The following PDZD2 variants were observed in gnomAD, a reference collection of about 807,000 sequenced individuals.
PDZD2 encodes the protein PDZ domain containing 2, also known as PDZ domain-containing protein 2.
Under a neutral mutation model 220.7 loss-of-function variants are expected in PDZD2, and 90 were observed. The ratio of observed to expected loss-of-function variants is 0.41; its 90% CI spans 0.34 to 0.49. The LOEUF (loss-of-function observed/expected upper bound fraction) is 0.49. PDZD2 is among the 20% of genes least tolerant of loss of function. The probability of loss-of-function intolerance (pLI) is 0.28; values close to 1 mark genes in which losing one functional copy is unlikely to be tolerated. For missense variants in PDZD2, 3,174 were observed against 3,608.5 expected (o/e 0.88, Z 3.08); for synonymous variants, 1,375 against 1,450.5 (o/e 0.95, Z 1.18).
intron 2 of PDZD2, among the ~76,000 whole-genome samples, chr5:31,839,808 T>C (rs1757158808): frequency 6.6e-6 from 1 of 152,218 alleles, no homozygotes; most frequent in Non-Finnish European, 1.5e-5. Context: ...ATGCTGCTGT[T>C]CTCATGACAG....
At chr5:31,996,061 C>G (rs1393192757) in intron 4 of PDZD2, among the ~76,000 whole-genome samples, 2 of 152,138 alleles carry the variant, frequency 1.3e-5, no homozygotes, top group Non-Finnish European at 1.5e-5. Flanking sequence ...GAGTAGAACA[C>G]CGCATTCCTA....
At chr5:31,771,108 G>C (rs2150197760) in intron 1 of PDZD2, among the ~76,000 whole-genome samples, 1 of 152,322 alleles carries the variant, frequency 6.6e-6, no homozygotes, top group Middle Eastern at 3.4e-3. Flanking sequence ...TGAGCTTTGA[G>C]TCTAATGTAT....
chr5:32,032,224 C>A (rs1233275623), intron 6 of PDZD2, among the ~76,000 whole-genome samples: 1 of 152,182 alleles, frequency 6.6e-6, no homozygotes, highest in Non-Finnish European at 1.5e-5. Context: ...TCTGTTGGCC[C>A]AGGGCAGTGG....
At chr5:31,998,112 A>G (rs1751788838) in intron 4 of PDZD2, among the ~76,000 whole-genome samples, 1 of 152,076 alleles carries the variant, frequency 6.6e-6, no homozygotes, top group South Asian at 2.1e-4. Flanking sequence ...AGGGATGGAG[A>G]TGGTCTTGAT....
intron 1 of PDZD2, among the ~76,000 whole-genome samples, chr5:31,723,619 A>G (rs902670203): frequency 6.6e-6 from 1 of 151,662 alleles, no homozygotes. Flanking sequence ...TATTATTATT[A>G]TTTTTATTAT....
chr5:32,038,182 T>TTA (rs765544553), intron 7 of PDZD2, among the ~76,000 whole-genome samples: 30 of 109,052 alleles, frequency 2.8e-4, no homozygotes, highest in African/African-American at 1.1e-3. Context: ...TTTCCTCCAT[T>TTA]AAAAAAAAAA....
At position 32,098,341 on chromosome 5, in the gene PDZD2, C is replaced by G. The variant is rs373351733; in HGVS notation, c.7948-23C>G. ...ATCGTAAGTGGATCTGGTTTTTGTTCCCTTTTCCTTTCCTCATCCCAGGTC... is the reference window on the plus strand; with the variant it reads ...ATCGTAAGTGGATCTGGTTTTTGTTGCCTTTTCCTTTCCTCATCCCAGGTC... On this transcript the variant is annotated intron_variant, in intron 22 of 24. Transcript: ENST00000438447. This position sits in a 1 kb window ranked among gnomAD's most constrained non-coding sequence, Gnocchi z 4.1. 3 of 1,607,574 alleles carry G rather than the reference C, an allele frequency of 1.9e-6. No individual in the cohort carries two copies. The highest frequency in any genetic ancestry group is 2.5e-6 in the Non-Finnish European group (3 of 1,176,714).
intron 2 of PDZD2, among the ~76,000 whole-genome samples, chr5:31,966,875 A>G (rs961724027): frequency 1.3e-5 from 2 of 152,162 alleles, no homozygotes; most frequent in African/African-American, 2.4e-5. Flanking sequence ...CCTGCCTGCC[A>G]CAGAGCCTCT....
intron 1 of PDZD2, among the ~76,000 whole-genome samples, chr5:31,725,236 G>A (rs541204330): frequency 1.9e-4 from 29 of 151,768 alleles, no homozygotes; most frequent in African/African-American, 7.0e-4. Flanking sequence ...TACTTGGGAG[G>A]CTGAGGCAGG....
intron 1 of PDZD2, among the ~76,000 whole-genome samples, chr5:31,783,008 C>T (rs906709327): frequency 6.6e-6 from 1 of 152,092 alleles, no homozygotes; most frequent in African/African-American, 2.4e-5. Flanking sequence ...GCCACCGTGC[C>T]TGGCCACCAC....
rs1158233522 is a variant in PDZD2 at position 31,999,861 on chromosome 5, C to T, written c.1122-278C>T. 2.6e-5 allele frequency among the ~76,000 whole-genome samples: 4 copies of T among 152,216 alleles called. No individual in the cohort carries two copies. The East Asian group carries it at 7.7e-4, about 29-fold the overall frequency. On this transcript the variant is annotated intron_variant, in intron 4 of 24. Transcript: ENST00000438447. ...TTGGTTCCTCTATCAACATCTCCAC[C>T]TGGATGGGAGTTTCACTGACATTGA...
chr5:31,749,643 C>T lies in PDZD2; in HGVS notation c.-360-49246C>T, dbSNP rs555249424. ...TTCACCATGTTGGCCAGGCTGGTCTCGAACTCCTGACCTTGTGATCTGCCT... is the reference window on the plus strand; with the variant it reads ...TTCACCATGTTGGCCAGGCTGGTCTTGAACTCCTGACCTTGTGATCTGCCT... On this transcript the variant is annotated intron_variant, in intron 1 of 24. Coordinates refer to ENST00000438447, the MANE Select transcript of PDZD2 (RefSeq NM_178140.4). Among the ~76,000 whole-genome samples the T allele has an allele frequency of 1.2e-4, 19 of 152,220 alleles. No homozygotes were observed. The South Asian group carries it at 2.3e-3, about 18-fold the overall frequency.
intron 1 of PDZD2, among the ~76,000 whole-genome samples, chr5:31,683,207 TA>T (rs35467814): frequency 0.017 from 2,217 of 128,998 alleles, 17 homozygotes; most frequent in Middle Eastern, 0.035. Flanking sequence ...ATCAGAATGT[TA>T]AAAAAAAAAA....
At chr5:31,854,994 G>A (rs1758307881) in intron 2 of PDZD2, 1 of 985,460 alleles carries the variant, frequency 1.0e-6, no homozygotes, top group East Asian at 1.1e-4. Context: ...TTCCAGGAGG[G>A]CAGCTGGCAG....
At chr5:31,701,402 G>A (rs1251642835) in intron 1 of PDZD2, among the ~76,000 whole-genome samples, 12 of 151,936 alleles carry the variant, frequency 7.9e-5, no homozygotes, top group African/African-American at 2.7e-4. Flanking sequence ...CATGTTGCCC[G>A]CGCTGGTCTT....
intron 2 of PDZD2, among the ~76,000 whole-genome samples, chr5:31,973,388 T>C (rs928985645): frequency 2.0e-5 from 3 of 152,234 alleles, no homozygotes; most frequent in Non-Finnish European, 2.9e-5. Context: ...ATTTTTTTCA[T>C]TGATCATATC....
At chr5:31,727,434 C>T (rs1029257521) in intron 1 of PDZD2, among the ~76,000 whole-genome samples, 4 of 152,164 alleles carry the variant, frequency 2.6e-5, no homozygotes, top group East Asian at 1.9e-4. Flanking sequence ...TGGCCGGGCG[C>T]GGTGGCTCAC....
intron 2 of PDZD2, among the ~76,000 whole-genome samples, chr5:31,863,384 G>C (rs1007950764): frequency 1.3e-5 from 2 of 152,186 alleles, no homozygotes; most frequent in African/African-American, 4.8e-5. Flanking sequence ...GCAGGGAATT[G>C]CCACTTGAAA....
chr5:32,020,080 T>C (rs1425463807), intron 6 of PDZD2, among the ~76,000 whole-genome samples: 1 of 151,550 alleles, frequency 6.6e-6, no homozygotes, highest in African/African-American at 2.4e-5. Context: ...TTAATTTTTT[T>C]TTTTTGAGAC....
Sources: gnomAD v4.1 joint callset for allele counts (sites outside exome capture counted in the v4.1 genomes callset) on GRCh38, gnomAD v4.1.1 for gene constraint, Gnocchi (gnomAD v3.1) non-coding constraint, MANE v1.5 for transcripts, NCBI Gene and HGNC (gene_info 2026-07-23, HGNC 2026-07-21) for gene names.